RBP3: variants seen among roughly 807,000 people sequenced by gnomAD.
RBP3 encodes the protein retinol-binding protein 3.
A neutral mutation model predicts 64.8 loss-of-function variants in RBP3; 50 were observed. That is an observed-to-expected ratio of 0.77 (90% CI 0.61 to 0.98). RBP3 has a LOEUF of 0.98. Ranked by LOEUF, RBP3 falls within the 50% of genes least tolerant of loss-of-function variation. The pLI is 0.00. For missense variants in RBP3, 1,712 were observed against 1,660.5 expected (o/e 1.03, Z -0.54); for synonymous variants, 828 against 730.2 (o/e 1.13, Z -2.16).
Position 47,349,639 on chromosome 10 carries a change from C to T in RBP3, c.1155C>T (p.Leu385=), listed in dbSNP as rs1308044438. The T allele has an allele frequency of 6.2e-7, 1 of 1,612,374 alleles. No homozygotes were observed. The highest frequency in any genetic ancestry group is 8.5e-7 in the Non-Finnish European group (1 of 1,180,024). Reference sequence around the variant, plus strand: ...AGGCTGCGTCTGAGGATCCCAGGCTCCTGGTGCGAGCCATCGGGCCCACAG... The same window carrying T: ...AGGCTGCGTCTGAGGATCCCAGGCTTCTGGTGCGAGCCATCGGGCCCACAG... ...GLQAASEDPR[L]LVRAIGPTET... is the part of the protein sequence containing the mutation. The change falls in exon 1 of 4, where the codon CTC becomes CTT. Residue 385 remains leucine (L), a synonymous_variant. Coordinates refer to ENST00000584701, the MANE Select transcript of RBP3 (RefSeq NM_002900.3).
chr10:47,352,516 C>T (rs1398873585), intron 1 of RBP3, among the ~76,000 whole-genome samples: 7 of 152,242 alleles, frequency 4.6e-5, no homozygotes, highest in East Asian at 1.9e-4. Context: ...TTTTCCGCAA[C>T]TGAGGCCCGG....
chr10:47,349,566 C>T lies in RBP3; in HGVS notation c.1082C>T (p.Thr361Met), dbSNP rs782348994. 5.0e-6 allele frequency: 8 copies of T among 1,613,008 alleles called. No homozygotes were observed. The highest frequency in any genetic ancestry group is 2.7e-5 in the African/African-American group (2 of 75,044). ...LQHLASMDFS[T>M]VVSEEDLVTK... ...CACTTGGCCAGCATGGACTTCTCCA[C>T]GGTGGTCTCCGAGGAAGATCTGGTC... The change falls in exon 1 of 4, where the codon ACG (threonine) becomes ATG (methionine). Residue 361 changes from threonine (T) to methionine (M), a missense_variant. Coordinates refer to ENST00000584701, the MANE Select transcript of RBP3 (RefSeq NM_002900.3).
intron 3 of RBP3, 97 bp from the exon 4 acceptor site, chr10:47,357,005 G>A (rs1258946878): frequency 8.9e-7 from 1 of 1,122,950 alleles, no homozygotes; most frequent in Middle Eastern, 2.6e-4. Context: ...TAAACCCCCG[G>A]GCCTCCTCCA....
Position 47,350,309 on chromosome 10 carries a change from G to A in RBP3, c.1825G>A (p.Gly609Ser), listed in dbSNP as rs782071723. 1 of 1,610,480 alleles carries A rather than the reference G, an allele frequency of 6.2e-7. No individual in the cohort carries two copies. The highest frequency in any genetic ancestry group is 1.3e-5 in the African/African-American group (1 of 75,054). Residue 609 changes from glycine to serine, a missense_variant, in exon 1 of 4, where the codon GGT becomes AGT. Physicochemically the swap from Gly to Ser is moderately conservative, Grantham distance 56. Coordinates refer to ENST00000584701, the MANE Select transcript of RBP3 (RefSeq NM_002900.3). ...CAATCACGGCGAGGCCTGGCTGGGT[G>A]GTGGAGTGGTGCCCGATGCCATCGT... ...IDNHGEAWLGGGVVPDAIVLA... is the reference protein window; with the variant it reads ...IDNHGEAWLGSGVVPDAIVLA...
intron 2 of RBP3, 21 bp from the exon 3 acceptor site, chr10:47,355,355 G>T (rs1837031511): frequency 6.2e-7 from 1 of 1,613,080 alleles, no homozygotes; most frequent in Non-Finnish European, 8.5e-7. Context: ...CCCTGAACAG[G>T]CTCTGCTTCC....
chr10:47,349,272 C>T lies in RBP3; in HGVS notation c.788C>T (p.Ala263Val). ...GTGGGCGAGCGGACTGGGGGAGGGG[C>T]CCTGGACCTCCGGAAGCTGAGGATA... ...IVVGERTGGG[A>V]LDLRKLRIGE... The change falls in exon 1 of 4, where the codon GCC becomes GTC. Residue 263 changes from alanine (A) to valine (V), a missense_variant. Transcript: ENST00000584701. 1.2e-6 allele frequency: 2 copies of T among 1,612,972 alleles called. No homozygotes were observed. The highest frequency in any genetic ancestry group is 2.2e-5 in the East Asian group (1 of 44,870).
Position 47,348,582 on chromosome 10 carries a change from A to G in RBP3, c.98A>G (p.Lys33Arg), listed in dbSNP as rs781809419. The G allele has an allele frequency of 1.1e-5, 17 of 1,613,366 alleles. No homozygotes were observed. In the South Asian group the frequency reaches 1.9e-4, roughly 18 times the overall value. The change falls in exon 1 of 4, where the codon AAG becomes AGG. Residue 33 changes from lysine (K) to arginine (R), a missense_variant. Coordinates refer to ENST00000584701, the MANE Select transcript of RBP3 (RefSeq NM_002900.3). Reference protein sequence around the residue: ...FQPSLVLDMAKVLLDNYCFPE... With the variant: ...FQPSLVLDMARVLLDNYCFPE... Reference sequence around the variant, plus strand: ...CCAAGCCTGGTGCTGGACATGGCCAAGGTCCTCTTGGATAACTACTGCTTC... The same window carrying G: ...CCAAGCCTGGTGCTGGACATGGCCAGGGTCCTCTTGGATAACTACTGCTTC...
At position 47,351,354 on chromosome 10, in the gene RBP3, TGGGGGCCAAGATGGC is replaced by T. The variant is rs1836970603; in HGVS notation, c.2871_2885del (p.Gly958_Ala962del). The T allele has an allele frequency of 6.2e-7, 1 of 1,613,388 alleles. No individual in the cohort carries two copies. Among genetic ancestry groups the T allele is most frequent in the Non-Finnish European group, 8.5e-7 (1 of 1,180,018 alleles). On this transcript the variant is annotated inframe_deletion, in exon 1 of 4. Transcript: ENST00000584701. ...GCTGATAACTATGCCTCTGCCGAGCTGGGGGCCAAGATGGCCACCAAACTGAGCGGTCTGCAGAGC... is the reference window on the plus strand; with the variant it reads ...GCTGATAACTATGCCTCTGCCGAGCTCACCAAACTGAGCGGTCTGCAGAGC...
rs17095789 is a variant in RBP3, at chr10:47,350,579, T to G, written c.2095T>G (p.Leu699Val). 1.2e-6 allele frequency: 2 copies of G among 1,612,912 alleles called. No individual in the cohort carries two copies. Among genetic ancestry groups the G allele is most frequent in the Admixed American group, 3.3e-5 (2 of 60,030 alleles). Residue 699 changes from leucine to valine, a missense_variant, in exon 1 of 4, where the codon TTG (leucine) becomes GTG (valine). By Grantham distance (32) the Leu-to-Val change is conservative. Transcript: ENST00000584701. ...DLQEVSGDHR[L>V]LVFHSPGELV... is the part of the protein sequence containing the mutation. ...CCAGGAGGTGTCTGGGGACCACCGC[T>G]TGCTAGTGTTCCACAGCCCTGGCGA...
chr10:47,354,359 C>T (rs537029845), intron 2 of RBP3, among the ~76,000 whole-genome samples: 1 of 152,118 alleles, frequency 6.6e-6, no homozygotes, highest in South Asian at 2.1e-4. Flanking sequence ...CAGGGGGTGG[C>T]AGACCAGAAG....
At chr10:47,353,286 G>T in intron 1 of RBP3, 39 bp from the exon 2 acceptor site, 1 of 1,602,244 alleles carries the variant, frequency 6.2e-7, no homozygotes, top group South Asian at 1.1e-5. Context: ...AAAACTGGCT[G>T]CTCCTCCTGA....
intron 2 of RBP3, among the ~76,000 whole-genome samples, chr10:47,354,742 C>A (rs919334658): frequency 6.6e-6 from 1 of 152,166 alleles, no homozygotes; most frequent in African/African-American, 2.4e-5. Flanking sequence ...CCGAACCCAG[C>A]CAGGCCATCC....
At chr10:47,354,969 T>C (rs1837026043) in intron 2 of RBP3, among the ~76,000 whole-genome samples, 1 of 152,186 alleles carries the variant, frequency 6.6e-6, no homozygotes, top group Non-Finnish European at 1.5e-5. Context: ...CATAAGATTG[T>C]CACAGAATGC....
At position 47,349,496 on chromosome 10, in the gene RBP3, A is replaced by G. The variant is rs147501263; in HGVS notation, c.1012A>G (p.Lys338Glu). 4 of 1,612,890 alleles carry G rather than the reference A, an allele frequency of 2.5e-6. No individual in the cohort carries two copies. The highest frequency in any genetic ancestry group is 3.4e-6 in the Non-Finnish European group (4 of 1,179,998). Residue 338 changes from lysine to glutamate, a missense_variant, in exon 1 of 4, where the codon AAG becomes GAG. Coordinates refer to ENST00000584701, the MANE Select transcript of RBP3 (RefSeq NM_002900.3). ...AGTCCACTGCCTCCAGGAGGTCCTG[A>G]AGGACTACTACACGCTGGTGGACCG... The part of the protein sequence containing the change: ...GVVHCLQEVL[K>E]DYYTLVDRVP...
rs201355398 is a variant in RBP3 at position 47,349,622 on chromosome 10, T to G, written c.1138T>G (p.Ser380Ala). 37 of 1,612,708 alleles carry G rather than the reference T, an allele frequency of 2.3e-5. No homozygotes were observed. The East Asian group carries it at 8.0e-4, about 35-fold the overall frequency. Residue 380 changes from serine (S) to alanine (A), a missense_variant, in exon 1 of 4, where the codon TCT becomes GCT. By Grantham distance (99) the Ser-to-Ala change is moderately conservative (BLOSUM62 1). Coordinates refer to ENST00000584701, the MANE Select transcript of RBP3 (RefSeq NM_002900.3). Reference protein sequence around the residue: ...TKLNAGLQAASEDPRLLVRAI... With the variant: ...TKLNAGLQAAAEDPRLLVRAI... ...GCTCAATGCCGGCCTGCAGGCTGCG[T>G]CTGAGGATCCCAGGCTCCTGGTGCG...
chr10:47,349,699 C>T lies in RBP3; in HGVS notation c.1215C>T (p.Ala405=), dbSNP rs782291267. Residue 405 remains alanine (A), a synonymous_variant, in exon 1 of 4, where the codon GCC becomes GCT. Transcript: ENST00000584701. ...CTTGGCCCGCGCCCGACGCTGCAGC[C>T]GAAGACTCACCAGGGGTGGCCCCAG... ...TPSWPAPDAA[A]EDSPGVAPEL... 22 of 1,611,512 alleles carry T rather than the reference C, an allele frequency of 1.4e-5. No homozygotes were observed. Among genetic ancestry groups the T allele is most frequent in the African/African-American group, 5.3e-5 (4 of 74,930 alleles).
chr10:47,348,792 C>G lies in RBP3; in HGVS notation c.308C>G (p.Pro103Arg), dbSNP rs1555210901. The change falls in exon 1 of 4, where the codon CCA becomes CGA. Residue 103 changes from proline (P) to arginine (R), a missense_variant. Transcript: ENST00000584701. ...PSTPEPPPQV[P>R]ALTSLSEEEL... is the part of the protein sequence containing the mutation. ...ACCCCCGAGCCTCCCCCACAAGTCC[C>G]AGCACTCACCAGCCTCTCAGAAGAG... 8 of 1,613,724 alleles carry G rather than the reference C, an allele frequency of 5.0e-6. No individual in the cohort carries two copies. Among genetic ancestry groups the G allele is most frequent in the Non-Finnish European group, 6.8e-6 (8 of 1,180,034 alleles).
In RBP3 at chr10:47,348,502, T is replaced by G; in HGVS notation, c.18T>G (p.Val6=). The G allele has an allele frequency of 6.2e-7, 1 of 1,604,846 alleles. No individual in the cohort carries two copies. Among genetic ancestry groups the G allele is most frequent in the Non-Finnish European group, 8.5e-7 (1 of 1,179,954 alleles). MMREW[V]LLMSVLLCGL... is the part of the protein sequence containing the mutation. ...GGGTCCCCATGATGAGAGAATGGGT[T>G]CTGCTCATGTCCGTGCTGCTCTGTG... The change falls in exon 1 of 4, where the codon GTT becomes GTG. Residue 6 remains valine (V), a synonymous_variant. Transcript: ENST00000584701.
chr10:47,349,994 G>C lies in RBP3; in HGVS notation c.1510G>C (p.Val504Leu). The C allele has an allele frequency of 6.2e-7, 1 of 1,612,928 alleles. No individual in the cohort carries two copies. The highest frequency in any genetic ancestry group is 1.3e-5 in the African/African-American group (1 of 75,018). Residue 504 changes from valine to leucine, a missense_variant, in exon 1 of 4, where the codon GTG (valine) becomes CTG (leucine). By Grantham distance (32) the Val-to-Leu change is conservative (BLOSUM62 1). Coordinates refer to ENST00000584701, the MANE Select transcript of RBP3 (RefSeq NM_002900.3). ...SYFQGPEAGP[V>L]HLFTTYDRRT... ...CTTCCAGGGCCCTGAGGCCGGCCCC[G>C]TGCACCTCTTCACCACCTATGATCG...
Sources: gnomAD v4.1 joint callset for allele counts (sites outside exome capture counted in the v4.1 genomes callset) on GRCh38, gnomAD v4.1.1 for gene constraint, MANE v1.5 for transcripts, NCBI Gene and HGNC (gene_info 2026-07-23, HGNC 2026-07-21) for gene names.